The following PAX7 variants were observed in gnomAD, a reference collection of about 807,000 sequenced individuals.
PAX7 encodes the protein paired box 7.
In PAX7, 18 loss-of-function variants were observed where a neutral mutation model predicts 50.7. That is an observed-to-expected ratio of 0.36 (90% CI 0.25 to 0.53). PAX7 has a LOEUF of 0.53. Among genes scored for constraint, PAX7 ranks in the 20% least tolerant of loss-of-function variants. The pLI is 0.93. For missense variants in PAX7, 644 were observed against 702.9 expected (o/e 0.92, Z 0.95); for synonymous variants, 310 against 290.4 (o/e 1.07, Z -0.69).
Position 18,703,271 on chromosome 1 carries a change from C to T in PAX7, c.1130C>T (p.Pro377Leu), listed in dbSNP as rs754043353. The T allele has an allele frequency of 1.9e-6, 3 of 1,614,144 alleles. No homozygotes were observed. The highest frequency in any genetic ancestry group is 2.5e-6 in the Non-Finnish European group (3 of 1,180,046). The change falls in exon 7 of 9, where the codon CCG (proline) becomes CTG (leucine). Residue 377 changes from proline to leucine, a missense_variant. Physicochemically the swap from Pro to Leu is moderately conservative, Grantham distance 98. Transcript: ENST00000420770. ...NPAAPSNHMNPVSNGLSPQVM... is the reference protein window; with the variant it reads ...NPAAPSNHMNLVSNGLSPQVM... ...GCGGCGCCCTCCAACCACATGAACC[C>T]GGTCAGCAACGGCCTGTCTCCTCAG...
At chr1:18,652,114 G>T (rs572935505) in intron 4 of PAX7, among the ~76,000 whole-genome samples, 4 of 151,966 alleles carry the variant, frequency 2.6e-5, no homozygotes, top group African/African-American at 9.7e-5. Flanking sequence ...AGGCTGGGCC[G>T]GCTGGGCCCA....
chr1:18,633,138 T>G (rs767113584), intron 1 of PAX7, among the ~76,000 whole-genome samples: 6 of 151,910 alleles, frequency 3.9e-5, no homozygotes, highest in Non-Finnish European at 7.4e-5. Flanking sequence ...CACCGACTTT[T>G]ACAAAGAGAG....
intron 4 of PAX7, among the ~76,000 whole-genome samples, chr1:18,678,092 A>G (rs538748865): frequency 0.016 from 2,392 of 150,236 alleles, 86 homozygotes; most frequent in African/African-American, 0.056. Flanking sequence ...AAAAAAAAAA[A>G]AAAAGAAAAA....
chr1:18,735,855 A>G lies in PAX7; in HGVS notation c.1379A>G (p.Tyr460Cys), dbSNP rs201148507. 92 of 1,614,128 alleles carry G rather than the reference A, an allele frequency of 5.7e-5. No individual in the cohort carries two copies. The highest frequency in any genetic ancestry group is 7.2e-5 in the Non-Finnish European group (85 of 1,180,022). Reference sequence around the variant, plus strand: ...TACAGCGTGGACCCCGTGGCCGGCTATCAGTACGGCCAGTACGGCCAGAGT... The same window carrying G: ...TACAGCGTGGACCCCGTGGCCGGCTGTCAGTACGGCCAGTACGGCCAGAGT... ...TGYSVDPVAG[Y>C]QYGQYGQTAV... Residue 460 changes from tyrosine (Y) to cysteine (C), a missense_variant, in exon 8 of 9, where the codon TAT becomes TGT. Tyr to Cys is a radical substitution (Grantham distance 194, BLOSUM62 -2). Coordinates refer to ENST00000420770, the MANE Select transcript of PAX7 (RefSeq NM_001135254.2). This position sits in a 1 kb window ranked among gnomAD's most constrained non-coding sequence, Gnocchi z 4.0.
chr1:18,705,511 C>T (rs1306223285), intron 7 of PAX7, among the ~76,000 whole-genome samples: 2 of 152,284 alleles, frequency 1.3e-5, no homozygotes, highest in East Asian at 1.9e-4. Context: ...GACAATCCGG[C>T]GCACCTGACT....
At chr1:18,641,930 G>A (rs2088261843) in intron 4 of PAX7, among the ~76,000 whole-genome samples, 1 of 150,810 alleles carries the variant, frequency 6.6e-6, no homozygotes, top group South Asian at 2.1e-4. Context: ...AGACTGCATC[G>A]CAGCGTTAAA....
chr1:18,720,174 G>C (rs556116119), intron 7 of PAX7, among the ~76,000 whole-genome samples: 2 of 152,312 alleles, frequency 1.3e-5, no homozygotes, highest in South Asian at 4.1e-4. Context: ...CTGCGTGCCT[G>C]CGGATGTTTG....
At chr1:18,734,105 G>A (rs1232912769) in intron 7 of PAX7, among the ~76,000 whole-genome samples, 3 of 152,242 alleles carry the variant, frequency 2.0e-5, no homozygotes, top group African/African-American at 7.2e-5. Context: ...TGTGGCACAA[G>A]CCAATAATAA....
intron 4 of PAX7, among the ~76,000 whole-genome samples, chr1:18,638,049 G>A (rs1163294568): frequency 2.0e-5 from 3 of 152,256 alleles, no homozygotes; most frequent in Non-Finnish European, 4.4e-5. Flanking sequence ...GTGGAGGGGA[G>A]GCATAGAACT....
At chr1:18,683,404 C>T (rs2088926940) in intron 4 of PAX7, among the ~76,000 whole-genome samples, 1 of 151,458 alleles carries the variant, frequency 6.6e-6, no homozygotes, top group Non-Finnish European at 1.5e-5. Context: ...CCGTAAGATA[C>T]CAAGTCATTT....
chr1:18,742,848 C>G (rs9439687), intron 8 of PAX7, among the ~76,000 whole-genome samples: 13,089 of 152,268 alleles, frequency 0.086, 611 homozygotes, highest in African/African-American at 0.13. Flanking sequence ...CCTTCATGCT[C>G]TGTAACCACC....
At chr1:18,722,014 AT>A (rs1405759920) in intron 7 of PAX7, among the ~76,000 whole-genome samples, 1 of 152,214 alleles carries the variant, frequency 6.6e-6, no homozygotes, top group Non-Finnish European at 1.5e-5. Flanking sequence ...CTGTGCCTCC[AT>A]TTGCTCATCT....
intron 7 of PAX7, among the ~76,000 whole-genome samples, chr1:18,730,663 G>C (rs867305633): frequency 6.6e-6 from 1 of 152,162 alleles, no homozygotes; most frequent in Non-Finnish European, 1.5e-5. Context: ...CCAGGCCCTC[G>C]GGGCCAGCTC....
Position 18,634,763 on chromosome 1 carries a change from C to A in PAX7, c.321+225C>A, listed in dbSNP as rs2088117668. ...AAGACCTTGAGGCCAATGAGCCATT[C>A]CTGGACTGTCCCCACATTTGCCTCA... On this transcript the variant is annotated intron_variant, in intron 2 of 8. Coordinates refer to ENST00000420770, the MANE Select transcript of PAX7 (RefSeq NM_001135254.2). This position sits in a 1 kb window ranked among gnomAD's most constrained non-coding sequence, Gnocchi z 4.0. 6.6e-6 allele frequency among the ~76,000 whole-genome samples: 1 copy of A among 152,178 alleles called. No individual in the cohort carries two copies.
chr1:18,661,186 CCCTTG>C (rs2088594684), intron 4 of PAX7, among the ~76,000 whole-genome samples: 1 of 152,060 alleles, frequency 6.6e-6, no homozygotes, highest in Non-Finnish European at 1.5e-5. Context: ...CTCAGAGGCC[CCCTTG>C]CTTGGTGGGG....
In PAX7 at chr1:18,634,275, C is replaced by T; in HGVS notation, c.86-28C>T. ...CTCCATCCTCACCCTGCACCTCTCT[C>T]CTTCTGCATCTCCCCTCCCTTCTCC... On this transcript the variant is annotated intron_variant, in intron 1 of 8. Coordinates refer to ENST00000420770, the MANE Select transcript of PAX7 (RefSeq NM_001135254.2). The surrounding 1 kb of genome is among the most constrained non-coding windows in gnomAD (Gnocchi z 4.0). The T allele has an allele frequency of 1.3e-6, 2 of 1,579,516 alleles. No individual in the cohort carries two copies. Among genetic ancestry groups the T allele is most frequent in the Non-Finnish European group, 1.7e-6 (2 of 1,151,958 alleles).
chr1:18,688,675 C>T (rs955584398), intron 4 of PAX7, among the ~76,000 whole-genome samples: 1 of 152,102 alleles, frequency 6.6e-6, no homozygotes, highest in African/African-American at 2.4e-5. Flanking sequence ...CCGAAGCAGG[C>T]GGATCACCTG....
chr1:18,650,410 G>T (rs779207044), intron 4 of PAX7, among the ~76,000 whole-genome samples: 1 of 152,188 alleles, frequency 6.6e-6, no homozygotes, highest in Non-Finnish European at 1.5e-5. Flanking sequence ...TCATTTTGGG[G>T]CCTGGTGGAG....
intron 4 of PAX7, among the ~76,000 whole-genome samples, chr1:18,649,262 G>A (rs1398757607): frequency 2.0e-5 from 3 of 152,138 alleles, no homozygotes; most frequent in South Asian, 2.1e-4. Flanking sequence ...AATTAGGAAG[G>A]CATGGGATAA....
Sources: gnomAD v4.1 joint callset for allele counts (sites outside exome capture counted in the v4.1 genomes callset) on GRCh38, gnomAD v4.1.1 for gene constraint, Gnocchi (gnomAD v3.1) non-coding constraint, MANE v1.5 for transcripts, NCBI Gene and HGNC (gene_info 2026-07-23, HGNC 2026-07-21) for gene names.